Variants in NRXN3 observed in about 807,000 individuals in gnomAD.
NRXN3 encodes neurexin 3, also known as neurexin III.
Under a neutral mutation model 137.6 loss-of-function variants are expected in NRXN3, and 32 were observed. The ratio of observed to expected loss-of-function variants is 0.23; its 90% CI spans 0.18 to 0.31. NRXN3 has a LOEUF of 0.31. NRXN3 is among the 10% of genes least tolerant of loss of function. The pLI is 1.00. For missense variants in NRXN3, 1,574 were observed against 2,062.5 expected (o/e 0.76, Z 4.59); for synonymous variants, 798 against 784.5 (o/e 1.02, Z -0.29).
At chr14:79,175,384 T>C (rs1420446505) in intron 15 of NRXN3, among the ~76,000 whole-genome samples, 1 of 152,218 alleles carries the variant, frequency 6.6e-6, no homozygotes, top group African/African-American at 2.4e-5. Flanking sequence ...GAGAATTTTT[T>C]TGGAGCTGTT....
At chr14:79,761,293 G>A (rs951371429) in intron 19 of NRXN3, among the ~76,000 whole-genome samples, 3 of 151,554 alleles carry the variant, frequency 2.0e-5, no homozygotes, top group African/African-American at 4.9e-5. Context: ...TCAGTTCAAC[G>A]CAATGATCCT....
At chr14:79,323,357 A>G (rs1222711632) in intron 15 of NRXN3, among the ~76,000 whole-genome samples, 1 of 152,162 alleles carries the variant, frequency 6.6e-6, no homozygotes, top group Non-Finnish European at 1.5e-5. Flanking sequence ...GTGTTTTTAA[A>G]GGAGGAATTA....
intron 8 of NRXN3, among the ~76,000 whole-genome samples, chr14:78,791,995 G>A (rs1009445975): frequency 6.6e-6 from 1 of 151,794 alleles, no homozygotes; most frequent in Non-Finnish European, 1.5e-5. Flanking sequence ...CTGAGTGTAA[G>A]CAAGGTAAAA....
intron 15 of NRXN3, among the ~76,000 whole-genome samples, chr14:79,455,303 G>A (rs2096243524): frequency 6.6e-6 from 1 of 152,126 alleles, no homozygotes; most frequent in African/African-American, 2.4e-5. Flanking sequence ...ATCTCCCAAA[G>A]ACCTTACCCT....
chr14:79,724,717 T>C (rs2098871116), intron 19 of NRXN3, among the ~76,000 whole-genome samples: 1 of 152,152 alleles, frequency 6.6e-6, no homozygotes, highest in African/African-American at 2.4e-5. Context: ...GATTTCTGAC[T>C]ATATGGTAGA....
intron 4 of NRXN3, among the ~76,000 whole-genome samples, chr14:78,350,836 G>A (rs1461092838): frequency 6.6e-6 from 1 of 152,010 alleles, no homozygotes; most frequent in Non-Finnish European, 1.5e-5. Context: ...AGCATTATAT[G>A]CTTTTCTTTC....
intron 1 of NRXN3, among the ~76,000 whole-genome samples, chr14:78,190,369 A>C (rs2060601922): frequency 6.6e-6 from 1 of 152,252 alleles, no homozygotes; most frequent in African/African-American, 2.4e-5. Context: ...AGAAATTCAT[A>C]GAAAAGAAAA....
At chr14:78,912,355 A>G (rs985971221) in intron 10 of NRXN3, among the ~76,000 whole-genome samples, 1 of 151,348 alleles carries the variant, frequency 6.6e-6, no homozygotes, top group South Asian at 2.1e-4. Context: ...AGAATAGAGA[A>G]GCAATCAGTT....
intron 4 of NRXN3, among the ~76,000 whole-genome samples, chr14:78,598,295 C>CA (rs1367405633): frequency 6.6e-6 from 1 of 151,980 alleles, no homozygotes; most frequent in African/African-American, 2.4e-5. Flanking sequence ...GACACGTGAG[C>CA]AAGGGTTCCT....
At chr14:78,927,365 G>A (rs193210103) in intron 10 of NRXN3, among the ~76,000 whole-genome samples, 56 of 151,924 alleles carry the variant, frequency 3.7e-4, no homozygotes, top group Non-Finnish European at 6.2e-4. Flanking sequence ...GGGAACAAGC[G>A]TAAGGAGGAG....
intron 10 of NRXN3, among the ~76,000 whole-genome samples, chr14:78,847,515 A>G (rs889713038): frequency 1.3e-5 from 2 of 152,030 alleles, no homozygotes; most frequent in African/African-American, 4.8e-5. Flanking sequence ...CATCTCCAGG[A>G]GAAGGAGGAA....
chr14:79,487,532 G>A (rs745461453), intron 16 of NRXN3, among the ~76,000 whole-genome samples: 4 of 152,102 alleles, frequency 2.6e-5, no homozygotes, highest in Admixed American at 6.5e-5. Flanking sequence ...GCAGCTGGGC[G>A]GGAACACAGA....
intron 10 of NRXN3, among the ~76,000 whole-genome samples, chr14:78,912,219 C>T (rs2099240820): frequency 6.6e-6 from 1 of 151,186 alleles, no homozygotes; most frequent in East Asian, 2.0e-4. Context: ...TGGTTTCCAG[C>T]TTCATCCATG....
At chr14:78,303,668 CT>C (rs1202004095) in intron 4 of NRXN3, among the ~76,000 whole-genome samples, 2 of 152,148 alleles carry the variant, frequency 1.3e-5, no homozygotes, top group African/African-American at 4.8e-5. Context: ...CAAAGTCACT[CT>C]GCTTGCATCC....
intron 4 of NRXN3, among the ~76,000 whole-genome samples, chr14:78,335,839 G>A (rs756200569): frequency 6.6e-6 from 1 of 152,192 alleles, no homozygotes. Flanking sequence ...TGCTGGGGAA[G>A]GCACAGGCAG....
At chr14:79,757,741 C>T (rs903810272) in intron 19 of NRXN3, among the ~76,000 whole-genome samples, 4 of 152,068 alleles carry the variant, frequency 2.6e-5, no homozygotes, top group African/African-American at 9.7e-5. Flanking sequence ...CCTTTCAGGA[C>T]CTTGATTTCT....
chr14:78,698,470 G>C (rs746396906), intron 6 of NRXN3, among the ~76,000 whole-genome samples: 2 of 152,044 alleles, frequency 1.3e-5, no homozygotes, highest in Non-Finnish European at 2.9e-5. Context: ...TTGGAGAGTC[G>C]TTCTTGTTCT....
chr14:79,759,797 T>C (rs2099032194), intron 19 of NRXN3, among the ~76,000 whole-genome samples: 1 of 151,728 alleles, frequency 6.6e-6, no homozygotes, highest in Admixed American at 6.6e-5. Flanking sequence ...CATAAGAAAT[T>C]CATTTTTTTG....
At chr14:79,512,390 T>G (rs2096940417) in intron 16 of NRXN3, among the ~76,000 whole-genome samples, 1 of 152,158 alleles carries the variant, frequency 6.6e-6, no homozygotes, top group Non-Finnish European at 1.5e-5. Context: ...AGATGACTAT[T>G]AGGAAGAGAT....
Sources: allele counts gnomAD v4.1 joint callset (sites outside exome capture counted in the v4.1 genomes callset), GRCh38; gene constraint gnomAD v4.1.1; transcripts MANE v1.5; gene names NCBI Gene and HGNC (gene_info 2026-07-23, HGNC 2026-07-21).